LRRK1: variants seen among roughly 807,000 people sequenced by gnomAD.
LRRK1 encodes leucine rich repeat kinase 1, also known as leucine-rich repeat serine/threonine-protein kinase 1.
In LRRK1, 113 loss-of-function variants were observed where a neutral mutation model predicts 209.1. The observed-to-expected ratio is 0.54, with a 90% CI of 0.46 to 0.63. The LOEUF (loss-of-function observed/expected upper bound fraction) is 0.63, where lower values mean the gene tolerates loss of function less well. Among genes scored for constraint, LRRK1 ranks in the 30% least tolerant of loss-of-function variants. The pLI, the probability that LRRK1 is intolerant of heterozygous loss-of-function variation, is 0.00. For missense variants in LRRK1, 2,284 were observed against 2,632.2 expected (o/e 0.87, Z 2.89); for synonymous variants, 1,144 against 1,099.7 (o/e 1.04, Z -0.80).
intron 22 of LRRK1, 77 bp from the exon 23 acceptor site, chr15:101,049,567 C>T: frequency 6.5e-7 from 1 of 1,547,946 alleles, no homozygotes; most frequent in Non-Finnish European, 8.7e-7. Flanking sequence ...TGGTTCCTGT[C>T]CCTGGGGGTA....
chr15:100,920,973 T>C (rs1401696997), intron 1 of LRRK1, among the ~76,000 whole-genome samples: 1 of 152,192 alleles, frequency 6.6e-6, no homozygotes, highest in Non-Finnish European at 1.5e-5. Flanking sequence ...TGCTGCCTCC[T>C]GACTCTTCAC....
In LRRK1 at chr15:101,075,994, A is replaced by T. The variant is rs1596377086; in HGVS notation, c.*7146A>T. On this transcript the variant is annotated 3_prime_UTR_variant, in exon 34 of 34. Coordinates refer to ENST00000388948, the MANE Select transcript of LRRK1 (RefSeq NM_024652.6). ...CTCAGCATAATTCTCATAAAGACAC[A>T]CGTGCTCTCCCTGCCGATCATGTCC... 1.3e-5 allele frequency: 2 copies of T among 152,248 alleles called. No homozygotes were observed. The highest frequency in any genetic ancestry group is 4.1e-4 in the South Asian group (2 of 4,828). The allele number at this position is 152,248 out of a possible 1,614,324, so 9.4% of individuals were successfully genotyped here. A position where few individuals can be genotyped will look rare whatever the true frequency, so the allele number is the denominator to read the frequency against.
At chr15:101,003,146 T>G (rs1452058404) in intron 6 of LRRK1, among the ~76,000 whole-genome samples, 1 of 152,250 alleles carries the variant, frequency 6.6e-6, no homozygotes, top group Non-Finnish European at 1.5e-5. Context: ...GTAAATCAGT[T>G]TTCAGACTAG....
Position 101,010,495 on chromosome 15 carries a change from T to A in LRRK1, c.1035T>A (p.Pro345=). 6.2e-7 allele frequency: 1 copy of A among 1,612,486 alleles called. No individual in the cohort carries two copies. Among genetic ancestry groups the A allele is most frequent in the South Asian group, 1.1e-5 (1 of 90,024 alleles). The change falls in exon 8 of 34, where the codon CCT becomes CCA. Residue 345 remains proline (P), a synonymous_variant. Coordinates refer to ENST00000388948, the MANE Select transcript of LRRK1 (RefSeq NM_024652.6). ...CCAGCAACAAGTTGTCCCACCTCCC[T>A]CCTGGATTCTTGCACCTCTCAAAAC... ...DISSNKLSHL[P]PGFLHLSKLQ...
intron 6 of LRRK1, among the ~76,000 whole-genome samples, chr15:101,003,774 T>G (rs1467577898): frequency 6.6e-6 from 1 of 152,142 alleles, no homozygotes; most frequent in Non-Finnish European, 1.5e-5. Context: ...GAGATTTGGG[T>G]GGGGACACAG....
chr15:101,062,830 G>A (rs2036266695), intron 31 of LRRK1, 140 bp downstream of exon 31: 2 of 695,452 alleles, frequency 2.9e-6, no homozygotes, highest in South Asian at 1.7e-5. Context: ...AGAGACGGTG[G>A]GAGGAAAGAT....
chr15:100,996,859 A>T (rs1319854805), intron 6 of LRRK1, among the ~76,000 whole-genome samples: 3 of 152,208 alleles, frequency 2.0e-5, no homozygotes, highest in African/African-American at 7.2e-5. Flanking sequence ...CAGAAACAGA[A>T]AAACTATTAT....
chr15:100,920,833 T>C (rs1034667885), intron 1 of LRRK1, among the ~76,000 whole-genome samples: 20 of 152,088 alleles, frequency 1.3e-4, no homozygotes, highest in African/African-American at 4.6e-4. Context: ...TCCTTGCAAC[T>C]GGCACGCAAT....
At chr15:101,006,368 G>A (rs1327953041) in intron 6 of LRRK1, among the ~76,000 whole-genome samples, 1 of 105,876 alleles carries the variant, frequency 9.4e-6, no homozygotes, top group African/African-American at 4.9e-5. Flanking sequence ...CAACGACAAT[G>A]TGATAAAAAA....
intron 23 of LRRK1, 78 bp from the exon 24 acceptor site, chr15:101,051,633 T>C: frequency 1.3e-6 from 2 of 1,529,676 alleles, no homozygotes; most frequent in Admixed American, 1.9e-5. Context: ...CCTCAGGGCC[T>C]GGGGTGCAGA....
intron 33 of LRRK1, 87 bp downstream of exon 33, chr15:101,066,828 C>A: frequency 8.8e-7 from 1 of 1,133,580 alleles, no homozygotes; most frequent in Non-Finnish European, 1.3e-6. Flanking sequence ...AGTGGCTTTG[C>A]TGCCCTTCCA....
At chr15:101,067,153 T>G in intron 33 of LRRK1, 1 of 422,796 alleles carries the variant, frequency 2.4e-6, no homozygotes, top group Non-Finnish European at 4.8e-6. Context: ...CAGGCACACC[T>G]TGTCATCTCC....
rs376394754 is a variant in LRRK1 at position 101,025,946 on chromosome 15, G to T, written c.2233-19G>T. The T allele has an allele frequency of 9.9e-6, 16 of 1,613,550 alleles. No individual in the cohort carries two copies. Among genetic ancestry groups the T allele is most frequent in the African/African-American group, 1.3e-5 (1 of 74,934 alleles). On this transcript the variant is annotated intron_variant, in intron 16 of 33. Coordinates refer to ENST00000388948, the MANE Select transcript of LRRK1 (RefSeq NM_024652.6). ...CCATGAACAGAGACAGTACTCAGCC[G>T]TGGGGTTCTCTGTTGCAGGCCAAGG...
intron 2 of LRRK1, among the ~76,000 whole-genome samples, chr15:100,967,076 C>T (rs2030512023): frequency 2.0e-5 from 3 of 152,194 alleles, no homozygotes; most frequent in Admixed American, 6.5e-5. Flanking sequence ...TTCTGAGAGA[C>T]AAGCAATGAC....
At chr15:100,926,442 A>T (rs1312070985) in intron 2 of LRRK1, among the ~76,000 whole-genome samples, 1 of 151,816 alleles carries the variant, frequency 6.6e-6, no homozygotes, top group Non-Finnish European at 1.5e-5. Context: ...GTGTCATCTG[A>T]AAAAGCCCAC....
chr15:100,967,368 G>A (rs2030531893), intron 2 of LRRK1, among the ~76,000 whole-genome samples: 1 of 152,188 alleles, frequency 6.6e-6, no homozygotes, highest in South Asian at 2.1e-4. Context: ...GGCATCTCAG[G>A]AATGATACAG....
intron 6 of LRRK1, among the ~76,000 whole-genome samples, chr15:100,990,179 T>A (rs2032083589): frequency 6.6e-6 from 1 of 152,210 alleles, no homozygotes; most frequent in Admixed American, 6.5e-5. Flanking sequence ...TTACATTGTC[T>A]TCAACTTGGC....
At chr15:100,998,159 G>A (rs1172987959) in intron 6 of LRRK1, among the ~76,000 whole-genome samples, 4 of 146,454 alleles carry the variant, frequency 2.7e-5, no homozygotes, top group Admixed American at 1.4e-4. Context: ...CAGCCTGGAC[G>A]ACAGAACAAG....
At position 101,069,778 on chromosome 15, in the gene LRRK1, A is replaced by T. The variant is rs1596369078; in HGVS notation, c.*930A>T. 1 of 152,688 alleles carries T rather than the reference A, an allele frequency of 6.5e-6. No individual in the cohort carries two copies. Among genetic ancestry groups the T allele is most frequent in the South Asian group, 2.1e-4 (1 of 4,838 alleles). The allele number at this position is 152,688 out of a possible 1,614,324, so 9.5% of individuals were successfully genotyped here. A position where few individuals can be genotyped will look rare whatever the true frequency, so the allele number is the denominator to read the frequency against. On this transcript the variant is annotated 3_prime_UTR_variant, in exon 34 of 34. Transcript: ENST00000388948. ...TTATACCAAATTATGTATTTGCTAA[A>T]CATTCACTGCACACGTGTACAGCGG...
Sources: gnomAD v4.1 joint callset for allele counts (sites outside exome capture counted in the v4.1 genomes callset) on GRCh38, gnomAD v4.1.1 for gene constraint, MANE v1.5 for transcripts, NCBI Gene and HGNC (gene_info 2026-07-23, HGNC 2026-07-21) for gene names.